The following FXR1 variants were observed in gnomAD, a reference collection of about 807,000 sequenced individuals.
FXR1 encodes the protein FMR1 autosomal homolog 1.
FXR1 carries 15 observed loss-of-function variants against 84.0 expected under a neutral mutation model. The ratio of observed to expected loss-of-function variants is 0.18; its 90% CI spans 0.12 to 0.27. The LOEUF is 0.27. Ranked by LOEUF, FXR1 falls within the 10% of genes least tolerant of loss-of-function variation. FXR1 has a pLI of 1.00. For missense variants in FXR1, 480 were observed against 774.4 expected, an observed-to-expected ratio of 0.62 and a Z score of 4.51; for synonymous variants, 245 against 250.7, an observed-to-expected ratio of 0.98 and a Z score of 0.21.
At chr3:180,961,338 T>C (rs1258620920) in intron 10 of FXR1, 130 bp from the exon 11 acceptor site, 7 of 408,122 alleles carry the variant, frequency 1.7e-5, no homozygotes, top group Admixed American at 1.6e-4. Context: ...AGACGTCATC[T>C]CAAAAAAAAA....
intron 12 of FXR1, 26 bp downstream of exon 12, chr3:180,962,966 C>G (rs1303255549): frequency 3.1e-6 from 5 of 1,609,396 alleles, no homozygotes; most frequent in Non-Finnish European, 4.3e-6. Flanking sequence ...CTTCTTCCAC[C>G]AGAGGGCCTG....
chr3:180,955,300 TAA>T (rs879607703), intron 9 of FXR1, among the ~76,000 whole-genome samples: 1 of 152,056 alleles, frequency 6.6e-6, no homozygotes, highest in Non-Finnish European at 1.5e-5. Context: ...CGCCCGGATG[TAA>T]AAAGCCTTTC....
At chr3:180,913,419 A>C (rs948873679) in intron 1 of FXR1, among the ~76,000 whole-genome samples, 2 of 152,152 alleles carry the variant, frequency 1.3e-5, no homozygotes, top group Admixed American at 6.5e-5. Flanking sequence ...TGTGAGCTTT[A>C]AAGTAAGATT....
In FXR1 at chr3:180,978,066, T is replaced by A. The variant is rs1714395744; in HGVS notation, c.*1774T>A. 1 of 151,994 alleles carries A rather than the reference T, an allele frequency of 6.6e-6. No homozygotes were observed. The highest frequency in any genetic ancestry group is 1.5e-5 in the Non-Finnish European group (1 of 67,962). 9.4% of individuals were successfully genotyped at this position (151,994 alleles called of 1,614,324 possible). A position where few individuals can be genotyped will look rare whatever the true frequency, so the allele number is the denominator to read the frequency against. ...AAAATTACCCACAAATGTGTTTTTTTAAATCGATCAAAGCTAGCAACAGGT... is the reference window on the plus strand; with the variant it reads ...AAAATTACCCACAAATGTGTTTTTTAAAATCGATCAAAGCTAGCAACAGGT... On this transcript the variant is annotated 3_prime_UTR_variant, in exon 17 of 17. Transcript: ENST00000357559.
intron 14 of FXR1, among the ~76,000 whole-genome samples, chr3:180,969,442 G>A (rs908510107): frequency 2.6e-5 from 4 of 152,128 alleles, no homozygotes; most frequent in African/African-American, 4.8e-5. Flanking sequence ...AATGCACATA[G>A]GTAAGATGGG....
At chr3:180,955,935 T>C (rs749742712) in intron 9 of FXR1, among the ~76,000 whole-genome samples, 5 of 152,228 alleles carry the variant, frequency 3.3e-5, no homozygotes, top group Non-Finnish European at 5.9e-5. Context: ...AAATACACAT[T>C]AGCAGTGACT....
chr3:180,961,447 C>CTTTTT, intron 10 of FXR1, 21 bp from the exon 11 acceptor site: 3 of 1,039,190 alleles, frequency 2.9e-6, no homozygotes, highest in Non-Finnish European at 4.2e-6. Context: ...ACACTGAATA[C>CTTTTT]TTTTTTTTTT....
chr3:180,958,119 T>C (rs907433118), intron 10 of FXR1, among the ~76,000 whole-genome samples, 191 bp downstream of exon 10: 1 of 152,202 alleles, frequency 6.6e-6, no homozygotes, highest in Non-Finnish European at 1.5e-5. Context: ...TTCTTAGTTG[T>C]TTTGATAGTA....
Position 180,977,192 on chromosome 3 carries a change from T to C in FXR1, c.*900T>C, listed in dbSNP as rs1714326251. 6.6e-6 allele frequency: 1 copy of C among 152,348 alleles called. No homozygotes were observed. Among genetic ancestry groups the C allele is most frequent in the African/African-American group, 2.4e-5 (1 of 41,384 alleles). 9.4% of individuals were successfully genotyped at this position (152,348 alleles called of 1,614,324 possible). On this transcript the variant is annotated 3_prime_UTR_variant, in exon 17 of 17. Coordinates refer to ENST00000357559, the MANE Select transcript of FXR1 (RefSeq NM_005087.4). Reference sequence around the variant, plus strand: ...TTTAACTTTCTACTTTTTACACCAATTGTTGCAAAATAGTTGGAGCTATTA... The same window carrying C: ...TTTAACTTTCTACTTTTTACACCAACTGTTGCAAAATAGTTGGAGCTATTA...
intron 5 of FXR1, 62 bp downstream of exon 5, chr3:180,948,557 A>C: frequency 7.8e-7 from 1 of 1,281,698 alleles, no homozygotes; most frequent in Non-Finnish European, 1.1e-6. Context: ...CAGTCCTACA[A>C]AACATTTTCC....
intron 9 of FXR1, chr3:180,954,075 C>A: frequency 2.8e-6 from 1 of 355,150 alleles, no homozygotes; most frequent in Non-Finnish European, 5.0e-6. Flanking sequence ...CTAATAAGGC[C>A]CAGGGTTTTT....
intron 15 of FXR1, 87 bp downstream of exon 15, chr3:180,970,445 T>C (rs1247069090): frequency 4.0e-6 from 1 of 252,054 alleles, no homozygotes; most frequent in Non-Finnish European, 7.2e-6. Flanking sequence ...TGTTAGTATA[T>C]GAAGCTTTTT....
intron 13 of FXR1, among the ~76,000 whole-genome samples, chr3:180,966,696 TAAC>T (rs1712877482): frequency 6.6e-6 from 1 of 152,010 alleles, no homozygotes; most frequent in Non-Finnish European, 1.5e-5. Flanking sequence ...GGGGAAAAAA[TAAC>T]AACATGGCAC....
chr3:180,912,943 C>T (rs1717402390), intron 1 of FXR1, among the ~76,000 whole-genome samples: 2 of 152,116 alleles, frequency 1.3e-5, no homozygotes, highest in Non-Finnish European at 1.5e-5. Context: ...AACAACACGT[C>T]GGACACCTCT....
At chr3:180,922,475 C>T (rs1718700734) in intron 1 of FXR1, among the ~76,000 whole-genome samples, 1 of 152,060 alleles carries the variant, frequency 6.6e-6, no homozygotes, top group South Asian at 2.1e-4. Context: ...TTTTGTTTTT[C>T]TAAGAATTGC....
At chr3:180,916,905 G>T (rs936035966) in intron 1 of FXR1, among the ~76,000 whole-genome samples, 2 of 152,062 alleles carry the variant, frequency 1.3e-5, no homozygotes, top group African/African-American at 2.4e-5. Context: ...TGCAATCTTG[G>T]CTGGCTGCAA....
rs765100344 is a variant in FXR1, at chr3:180,968,252, C to T, written c.1400C>T (p.Ser467Phe). 7.5e-6 allele frequency: 12 copies of T among 1,589,994 alleles called. No homozygotes were observed. The highest frequency in any genetic ancestry group is 1.0e-5 in the Non-Finnish European group (12 of 1,158,170). ...CGTGGTGGCAAATCCTCCATCAGTT[C>T]TGGTAGTCTTTTCTATACTCTGTCA... ...GPRGGKSSIS[S>F]VLKDPDSNPY... The change falls in exon 14 of 17, where the codon TCT becomes TTT. Residue 467 changes from serine to phenylalanine, a missense_variant and splice_region_variant. Transcript: ENST00000357559.
intron 3 of FXR1, among the ~76,000 whole-genome samples, chr3:180,943,006 G>C (rs978779507): frequency 3.9e-5 from 6 of 151,972 alleles, no homozygotes; most frequent in Non-Finnish European, 8.8e-5. Context: ...CTTGCTTGTC[G>C]ACCAGGCTGG....
chr3:180,981,190 CT>C lies in FXR1; in HGVS notation c.*4901del, dbSNP rs940831198. The C allele has an allele frequency of 6.6e-6, 1 of 151,894 alleles. No individual in the cohort carries two copies. Among genetic ancestry groups the C allele is most frequent in the Non-Finnish European group, 1.5e-5 (1 of 67,910 alleles). The allele number at this position is 151,894 out of a possible 1,614,324, so 9.4% of individuals were successfully genotyped here. On this transcript the variant is annotated 3_prime_UTR_variant, in exon 17 of 17. Coordinates refer to ENST00000357559, the MANE Select transcript of FXR1 (RefSeq NM_005087.4). ...ATTCTAACCTAAAACCCCTCTAACC[CT>C]TTAAATGAAGCATTATGCCTGCGTG...
Sources: allele counts gnomAD v4.1 joint callset (sites outside exome capture counted in the v4.1 genomes callset), GRCh38; gene constraint gnomAD v4.1.1; transcripts MANE v1.5; gene names NCBI Gene and HGNC (gene_info 2026-07-23, HGNC 2026-07-21).